TSPEAR: variants seen among roughly 807,000 people sequenced by gnomAD.
TSPEAR encodes thrombospondin type laminin G domain and EAR repeats, also known as thrombospondin-type laminin G domain and EAR repeat-containing protein.
TSPEAR carries 69 observed loss-of-function variants against 71.6 expected under a neutral mutation model. The observed-to-expected ratio is 0.96, with a 90% CI of 0.79 to 1.18. The LOEUF is 1.18. Among genes scored for constraint, TSPEAR ranks in the 50% most tolerant of loss-of-function variants. The pLI is 0.00. For missense variants in TSPEAR, 971 were observed against 894.9 expected (o/e 1.09, Z -1.09); for synonymous variants, 402 against 387.2 (o/e 1.04, Z -0.45).
At chr21:44,521,500 G>A (rs369672316) in intron 9 of TSPEAR, among the ~76,000 whole-genome samples, 1 of 152,198 alleles carries the variant, frequency 6.6e-6, no homozygotes, top group African/African-American at 2.4e-5. Flanking sequence ...CCAGGGCCAG[G>A]GCCCTGACGA....
At chr21:44,704,716 G>A (rs373117984) in intron 1 of TSPEAR, among the ~76,000 whole-genome samples, 160 of 152,292 alleles carry the variant, frequency 1.1e-3, no homozygotes, top group African/African-American at 3.5e-3. Context: ...GAGGAGCCTC[G>A]GTGGGTGACA....
chr21:44,591,646 G>A, intron 1 of TSPEAR: 1 of 1,613,778 alleles, frequency 6.2e-7, no homozygotes, highest in Non-Finnish European at 8.5e-7. Context: ...GCAGCATGAT[G>A]TGGAAGCCCC....
chr21:44,535,504 C>T (rs1414987676), intron 2 of TSPEAR, among the ~76,000 whole-genome samples: 4 of 152,204 alleles, frequency 2.6e-5, no homozygotes, highest in Admixed American at 6.5e-5. Flanking sequence ...GTGGACAGCA[C>T]AGGGGATGGT....
chr21:44,562,765 C>G (rs922076765), intron 2 of TSPEAR, among the ~76,000 whole-genome samples: 4 of 152,224 alleles, frequency 2.6e-5, no homozygotes, highest in African/African-American at 9.6e-5. Flanking sequence ...CTATATCCAA[C>G]AAAGTTGTCT....
At chr21:44,569,280 A>G (rs1299915350) in intron 1 of TSPEAR, among the ~76,000 whole-genome samples, 1 of 152,106 alleles carries the variant, frequency 6.6e-6, no homozygotes, top group Non-Finnish European at 1.5e-5. Context: ...TGTGATGGGC[A>G]CTTCTTTCTT....
chr21:44,537,356 C>T (rs930195746), intron 2 of TSPEAR, among the ~76,000 whole-genome samples: 13 of 152,140 alleles, frequency 8.5e-5, no homozygotes, highest in African/African-American at 3.1e-4. Flanking sequence ...CTAGAACCAA[C>T]GTTTTTAGAA....
intron 1 of TSPEAR, chr21:44,677,266 CCTTT>C: frequency 1.4e-6 from 1 of 736,486 alleles, no homozygotes; most frequent in East Asian, 2.5e-5. Context: ...TCATCTACTG[CCTTT>C]CTGTGTTCCT....
At position 44,529,792 on chromosome 21, in the gene TSPEAR, A is replaced by G. The variant is rs1555915486; in HGVS notation, c.790+6T>C. 6.2e-7 allele frequency: 1 copy of G among 1,613,624 alleles called. No individual in the cohort carries two copies. Among genetic ancestry groups the G allele is most frequent in the Non-Finnish European group, 8.5e-7 (1 of 1,179,872 alleles). Reference sequence around the variant, plus strand: ...TGGTGTGGGGGCGGGTGGCCCCCCTACTAACCATAGGGATATTTTAGCACC... The same window carrying G: ...TGGTGTGGGGGCGGGTGGCCCCCCTGCTAACCATAGGGATATTTTAGCACC... On this transcript the variant is annotated splice_donor_region_variant and intron_variant, in intron 5 of 11. Coordinates refer to ENST00000323084, the MANE Select transcript of TSPEAR (RefSeq NM_144991.3).
At chr21:44,606,328 C>T (rs1003072103) in intron 1 of TSPEAR, among the ~76,000 whole-genome samples, 1 of 152,144 alleles carries the variant, frequency 6.6e-6, no homozygotes, top group Non-Finnish European at 1.5e-5. Context: ...TGAGACATCA[C>T]CTCACACTTG....
At chr21:44,653,000 C>CA (rs587724027) in intron 1 of TSPEAR, among the ~76,000 whole-genome samples, 187 of 151,754 alleles carry the variant, frequency 1.2e-3, no homozygotes, top group African/African-American at 4.3e-3. Flanking sequence ...ACTAAAAATA[C>CA]AAAAAAAATT....
rs145767305 is a variant in TSPEAR at position 44,679,423 on chromosome 21, C to A, written c.82+32010G>T. On this transcript the variant is annotated intron_variant, in intron 1 of 11. Coordinates refer to ENST00000323084, the MANE Select transcript of TSPEAR (RefSeq NM_144991.3). ...AGACACAAACAAATGGAAAGACATT[C>A]CATGTTCATGGATCAGAAGAAATGA... Among the ~76,000 whole-genome samples the A allele has an allele frequency of 2.6e-4, 39 of 152,288 alleles. 1 individual carries two copies. The highest frequency in any genetic ancestry group is 8.7e-4 in the African/African-American group (36 of 41,552).
rs141600174 is a variant in TSPEAR, at chr21:44,613,858, G to A, written c.83-45853C>T. On this transcript the variant is annotated intron_variant, in intron 1 of 11. Coordinates refer to ENST00000323084, the MANE Select transcript of TSPEAR (RefSeq NM_144991.3). ...TGTCCTTCACGTCGTTTAGGTGCGC[G>A]ACTTATGATTTTCAAGGCTTGTCCC... 1.4e-3 allele frequency among the ~76,000 whole-genome samples: 219 copies of A among 152,160 alleles called. 3 individuals are homozygous for A. The highest frequency in any genetic ancestry group is 4.9e-3 in the African/African-American group (202 of 41,514).
intron 2 of TSPEAR, among the ~76,000 whole-genome samples, chr21:44,562,881 A>G (rs1253512460): frequency 1.3e-5 from 2 of 152,206 alleles, no homozygotes; most frequent in Non-Finnish European, 2.9e-5. Flanking sequence ...CCGCAGACCA[A>G]AAGCAAGTAA....
chr21:44,560,513 C>T (rs911248709), intron 2 of TSPEAR, among the ~76,000 whole-genome samples: 8 of 152,166 alleles, frequency 5.3e-5, no homozygotes, highest in African/African-American at 1.7e-4. Context: ...CTCTCCACCC[C>T]AAATCAACAG....
At chr21:44,709,825 C>T (rs1988126497) in intron 1 of TSPEAR, among the ~76,000 whole-genome samples, 1 of 152,272 alleles carries the variant, frequency 6.6e-6, no homozygotes, top group African/African-American at 2.4e-5. Flanking sequence ...ACAGAACGAT[C>T]TGAAGCCCTG....
intron 1 of TSPEAR, among the ~76,000 whole-genome samples, chr21:44,617,032 T>C (rs1352082812): frequency 6.7e-6 from 1 of 150,014 alleles, no homozygotes; most frequent in Non-Finnish European, 1.5e-5. Flanking sequence ...ACATGGGGGG[T>C]CTCTAAAACC....
chr21:44,699,344 C>A (rs995394717), intron 1 of TSPEAR, among the ~76,000 whole-genome samples: 7 of 141,550 alleles, frequency 4.9e-5, no homozygotes, highest in African/African-American at 1.9e-4. Context: ...TGAGCCACTG[C>A]ACTCCAGCCT....
chr21:44,686,144 G>A (rs1986845960), intron 1 of TSPEAR, among the ~76,000 whole-genome samples: 2 of 152,126 alleles, frequency 1.3e-5, no homozygotes, highest in South Asian at 4.1e-4. Context: ...GAACATCCAT[G>A]AGGTGGACCC....
At chr21:44,644,711 A>G (rs1028476239) in intron 1 of TSPEAR, among the ~76,000 whole-genome samples, 1 of 152,226 alleles carries the variant, frequency 6.6e-6, no homozygotes, top group Non-Finnish European at 1.5e-5. Flanking sequence ...GAGTGAATGG[A>G]TAACATATTT....
Sources: gnomAD v4.1 joint callset for allele counts (sites outside exome capture counted in the v4.1 genomes callset) on GRCh38, gnomAD v4.1.1 for gene constraint, MANE v1.5 for transcripts, NCBI Gene and HGNC (gene_info 2026-07-23, HGNC 2026-07-21) for gene names.